Variants in MDGA2 observed in about 807,000 individuals in gnomAD.
MDGA2 encodes MAM domain-containing glycosylphosphatidylinositol anchor protein 2.
In MDGA2, 40 loss-of-function variants were observed where a neutral mutation model predicts 117.8. The ratio of observed to expected loss-of-function variants is 0.34; its 90% CI spans 0.26 to 0.44. MDGA2 has a LOEUF of 0.44. Ranked by LOEUF, MDGA2 falls within the 20% of genes least tolerant of loss-of-function variation. The pLI, the probability that MDGA2 is intolerant of heterozygous loss-of-function variation, is 1.00. For missense variants in MDGA2, 1,123 were observed against 1,250.6 expected (o/e 0.90, Z 1.54); for synonymous variants, 452 against 439.0 (o/e 1.03, Z -0.37).
At chr14:47,152,899 T>C (rs891777517) in intron 3 of MDGA2, among the ~76,000 whole-genome samples, 2 of 152,170 alleles carry the variant, frequency 1.3e-5, no homozygotes, top group Non-Finnish European at 2.9e-5. Flanking sequence ...TGCATATGAC[T>C]TTTATTATTC....
chr14:47,234,146 C>T (rs984893013), intron 2 of MDGA2, among the ~76,000 whole-genome samples: 1 of 151,668 alleles, frequency 6.6e-6, no homozygotes, highest in Non-Finnish European at 1.5e-5. Context: ...AATTACCAGA[C>T]ACAGTAACTT....
At chr14:47,099,719 C>T (rs1880190411) in intron 5 of MDGA2, among the ~76,000 whole-genome samples, 1 of 151,898 alleles carries the variant, frequency 6.6e-6, no homozygotes, top group African/African-American at 2.4e-5. Flanking sequence ...CATTTAATAC[C>T]TGTGTGAACT....
intron 1 of MDGA2, among the ~76,000 whole-genome samples, chr14:47,661,460 G>A (rs1897844015): frequency 6.6e-6 from 1 of 152,136 alleles, no homozygotes; most frequent in African/African-American, 2.4e-5. Context: ...AAAGATGAAA[G>A]ATAATCCAAG....
intron 3 of MDGA2, among the ~76,000 whole-genome samples, chr14:47,168,295 A>AAC (rs1841716657): frequency 6.6e-6 from 1 of 151,614 alleles, no homozygotes; most frequent in Non-Finnish European, 1.5e-5. Flanking sequence ...AAAAAAAAAA[A>AAC]AAAAAAAAAA....
intron 6 of MDGA2, among the ~76,000 whole-genome samples, chr14:47,094,953 G>T (rs1195033739): frequency 6.6e-6 from 1 of 151,950 alleles, no homozygotes; most frequent in Non-Finnish European, 1.5e-5. Flanking sequence ...AAAAATAAAA[G>T]TTGGATACTT....
At chr14:46,864,528 G>A (rs1287592257) in intron 14 of MDGA2, among the ~76,000 whole-genome samples, 3 of 71,248 alleles carry the variant, frequency 4.2e-5, no homozygotes, top group African/African-American at 4.7e-5. Flanking sequence ...GTTTTGTTGC[G>A]CTTTGCAGAT....
intron 1 of MDGA2, among the ~76,000 whole-genome samples, chr14:47,312,923 T>C (rs528212817): frequency 9.4e-6 from 1 of 106,844 alleles, no homozygotes; most frequent in East Asian, 4.1e-4. Flanking sequence ...TAATTATATA[T>C]ATACATATAT....
intron 3 of MDGA2, among the ~76,000 whole-genome samples, chr14:47,192,485 C>A (rs898955381): frequency 6.6e-6 from 1 of 151,740 alleles, no homozygotes; most frequent in Non-Finnish European, 1.5e-5. Context: ...TGTGGTGGCA[C>A]GTAGCTGTAG....
chr14:46,960,419 C>G (rs2138271643), intron 8 of MDGA2: 1 of 150,344 alleles, frequency 6.7e-6, no homozygotes, highest in Middle Eastern at 3.4e-3. Flanking sequence ...TCATGATTTT[C>G]TAAAAAATAT....
At chr14:47,372,318 G>A (rs10136895) in intron 1 of MDGA2, among the ~76,000 whole-genome samples, 109,302 of 151,642 alleles carry the variant, frequency 0.72, 39,652 homozygotes, top group Middle Eastern at 0.82. Context: ...AATATTTGCA[G>A]CACAAATGAT....
intron 1 of MDGA2, among the ~76,000 whole-genome samples, chr14:47,308,037 C>T (rs1459176727): frequency 6.6e-6 from 1 of 152,050 alleles, no homozygotes; most frequent in Non-Finnish European, 1.5e-5. Context: ...AGTGGACTGT[C>T]CAAAAATATT....
At chr14:47,235,163 T>A (rs1886817494) in intron 2 of MDGA2, among the ~76,000 whole-genome samples, 1 of 152,170 alleles carries the variant, frequency 6.6e-6, no homozygotes, top group South Asian at 2.1e-4. Context: ...AAGTCACGTA[T>A]CCTACTGGGT....
intron 5 of MDGA2, among the ~76,000 whole-genome samples, chr14:47,105,675 G>A (rs945581525): frequency 4.0e-5 from 6 of 151,008 alleles, no homozygotes; most frequent in South Asian, 2.1e-4. Flanking sequence ...GGTGCCTGAC[G>A]TCCAGGCATT....
chr14:46,995,362 G>A (rs1887249330), intron 8 of MDGA2, among the ~76,000 whole-genome samples: 1 of 152,074 alleles, frequency 6.6e-6, no homozygotes. Context: ...TACTGTTGCA[G>A]ACCAAAGTTT....
chr14:47,091,500 A>G (rs977449942), intron 6 of MDGA2, among the ~76,000 whole-genome samples: 1 of 152,138 alleles, frequency 6.6e-6, no homozygotes. Context: ...ACTAGAGGGT[A>G]GTATTTGAAA....
intron 1 of MDGA2, among the ~76,000 whole-genome samples, chr14:47,339,453 T>C (rs1424082524): frequency 6.6e-6 from 1 of 152,036 alleles, no homozygotes; most frequent in African/African-American, 2.4e-5. Context: ...GTCAGTGAGA[T>C]CTAGTGGGAG....
chr14:47,612,066 G>A (rs529810395), intron 1 of MDGA2, among the ~76,000 whole-genome samples: 18 of 152,242 alleles, frequency 1.2e-4, no homozygotes, highest in African/African-American at 1.2e-4. Context: ...AAGAAACTCC[G>A]GCTATCTTAT....
At chr14:47,219,971 T>G (rs1221229030) in intron 2 of MDGA2, among the ~76,000 whole-genome samples, 1 of 152,110 alleles carries the variant, frequency 6.6e-6, no homozygotes, top group East Asian at 1.9e-4. Flanking sequence ...TTATTTATAC[T>G]TAATTTACTT....
At chr14:47,063,523 A>G (rs142247798) in intron 6 of MDGA2, among the ~76,000 whole-genome samples, 20 of 152,110 alleles carry the variant, frequency 1.3e-4, no homozygotes, top group African/African-American at 4.3e-4. Flanking sequence ...AATTGTGCTC[A>G]TACAATGCCA....
Sources: allele counts gnomAD v4.1 joint callset (sites outside exome capture counted in the v4.1 genomes callset), GRCh38; gene constraint gnomAD v4.1.1; transcripts MANE v1.5; gene names NCBI Gene and HGNC (gene_info 2026-07-23, HGNC 2026-07-21).